Variants in JAZF1 observed in about 807,000 individuals in gnomAD.
The protein encoded by JAZF1 is juxtaposed with another zinc finger protein 1.
In JAZF1, 8 loss-of-function variants were observed where a neutral mutation model predicts 26.4. The ratio of observed to expected loss-of-function variants is 0.30; its 90% CI spans 0.18 to 0.55. The LOEUF (loss-of-function observed/expected upper bound fraction) is 0.55. JAZF1 is among the 20% of genes least tolerant of loss of function. The pLI, the probability that JAZF1 is intolerant of heterozygous loss-of-function variation, is 0.94. For missense variants in JAZF1, 199 were observed against 322.0 expected (o/e 0.62, Z 2.92); for synonymous variants, 126 against 122.3 (o/e 1.03, Z -0.20).
At chr7:28,135,653 A>C (rs1363976352) in intron 1 of JAZF1, among the ~76,000 whole-genome samples, 1 of 152,238 alleles carries the variant, frequency 6.6e-6, no homozygotes, top group African/African-American at 2.4e-5. Flanking sequence ...AGGGCAAAAG[A>C]AAGCTTCAAA....
intron 3 of JAZF1, among the ~76,000 whole-genome samples, chr7:27,856,723 C>T (rs946560082): frequency 6.6e-6 from 1 of 151,902 alleles, no homozygotes; most frequent in African/African-American, 2.4e-5. Context: ...CTGATTGGTG[C>T]ATTTACAAAC....
chr7:27,840,650 T>C lies in JAZF1; in HGVS notation c.555+48A>G. On this transcript the variant is annotated intron_variant, in intron 4 of 4. Transcript: ENST00000283928. The surrounding 1 kb of genome is among the most constrained non-coding windows in gnomAD (Gnocchi z 5.1). ...AAAGGGCTGCTGCCTTCCATGAAGC[T>C]TGCCCTGTTTCCATGTGGTTATGCC... 6.3e-7 allele frequency: 1 copy of C among 1,589,668 alleles called. No individual in the cohort carries two copies. Among genetic ancestry groups the C allele is most frequent in the South Asian group, 1.1e-5 (1 of 89,262 alleles).
chr7:27,891,713 CAGCTACACAGGAGGCTGACGTG>C (rs938788868), intron 3 of JAZF1, among the ~76,000 whole-genome samples: 2 of 152,064 alleles, frequency 1.3e-5, no homozygotes, highest in East Asian at 1.9e-4. Flanking sequence ...CCTGTAGTCC[CAGCTACACAGGAGGCTGACGTG>C]AGCTACACAG....
intron 2 of JAZF1, among the ~76,000 whole-genome samples, chr7:27,904,072 G>A (rs1490516542): frequency 2.6e-5 from 4 of 152,300 alleles, no homozygotes; most frequent in Non-Finnish European, 4.4e-5. Flanking sequence ...GTCTAACATG[G>A]AGAGTAAGGA....
chr7:28,153,359 T>C (rs553435200), intron 1 of JAZF1, among the ~76,000 whole-genome samples: 5 of 152,354 alleles, frequency 3.3e-5, no homozygotes, highest in Non-Finnish European at 5.9e-5. Flanking sequence ...ATAAATTTAT[T>C]TTCCTAAAGT....
chr7:28,103,024 C>G (rs768116239), intron 1 of JAZF1, among the ~76,000 whole-genome samples: 2 of 152,136 alleles, frequency 1.3e-5, no homozygotes, highest in Non-Finnish European at 2.9e-5. Flanking sequence ...CCTCAGCTTA[C>G]GACCGATTGA....
At chr7:27,888,412 T>C (rs1389751640) in intron 3 of JAZF1, among the ~76,000 whole-genome samples, 2 of 152,234 alleles carry the variant, frequency 1.3e-5, no homozygotes, top group African/African-American at 2.4e-5. Flanking sequence ...TTTTTCTGTC[T>C]GGGATTTTTT....
chr7:28,052,787 C>T (rs1009712216), intron 1 of JAZF1, among the ~76,000 whole-genome samples: 3 of 150,836 alleles, frequency 2.0e-5, no homozygotes, highest in African/African-American at 7.3e-5. Context: ...ATCATTTTCA[C>T]CCAAAGAAAC....
intron 3 of JAZF1, chr7:27,843,522 A>G (rs530416534): frequency 6.6e-6 from 1 of 152,364 alleles, no homozygotes; most frequent in Admixed American, 6.5e-5. Flanking sequence ...TCCATATAAA[A>G]TAAGATGATC....
At chr7:28,008,465 T>G (rs968002287) in intron 1 of JAZF1, among the ~76,000 whole-genome samples, 2 of 152,174 alleles carry the variant, frequency 1.3e-5, no homozygotes, top group Admixed American at 6.5e-5. Flanking sequence ...TACATTTTAA[T>G]TGAGCAATTC....
intron 3 of JAZF1, among the ~76,000 whole-genome samples, chr7:27,851,258 T>G (rs1272560444): frequency 1.3e-5 from 2 of 152,256 alleles, no homozygotes; most frequent in Non-Finnish European, 2.9e-5. Flanking sequence ...TAAAATGTTC[T>G]AATACATTTA....
chr7:28,004,311 C>T (rs1298027887), intron 1 of JAZF1, among the ~76,000 whole-genome samples: 3 of 152,008 alleles, frequency 2.0e-5, no homozygotes, highest in Non-Finnish European at 2.9e-5. Context: ...GAGTTTGTCT[C>T]CTGTGGTTTC....
chr7:28,009,796 C>A (rs1301906242), intron 1 of JAZF1, among the ~76,000 whole-genome samples: 3 of 152,128 alleles, frequency 2.0e-5, no homozygotes, highest in Non-Finnish European at 2.9e-5. Flanking sequence ...GTCACCATTG[C>A]GTTTTTTAAA....
At chr7:28,068,515 TG>T (rs1783921891) in intron 1 of JAZF1, among the ~76,000 whole-genome samples, 1 of 152,156 alleles carries the variant, frequency 6.6e-6, no homozygotes, top group African/African-American at 2.4e-5. Context: ...ATGATCCCAG[TG>T]CCCAATTGCT....
At chr7:28,095,936 T>C (rs1230914178) in intron 1 of JAZF1, among the ~76,000 whole-genome samples, 2 of 152,202 alleles carry the variant, frequency 1.3e-5, no homozygotes, top group African/African-American at 4.8e-5. Flanking sequence ...AGAGCTCTGG[T>C]GCTCCTCCTC....
chr7:27,899,784 C>A (rs1784137718), intron 2 of JAZF1, among the ~76,000 whole-genome samples: 1 of 152,078 alleles, frequency 6.6e-6, no homozygotes, highest in Admixed American at 6.6e-5. Context: ...GGTCCAGCCC[C>A]CTCATTTGTT....
chr7:27,878,934 G>C (rs551136958), intron 3 of JAZF1, among the ~76,000 whole-genome samples: 1 of 152,232 alleles, frequency 6.6e-6, no homozygotes, highest in Non-Finnish European at 1.5e-5. Flanking sequence ...TATTTTTGTT[G>C]ATCTGTTTTC....
intron 2 of JAZF1, among the ~76,000 whole-genome samples, chr7:27,989,122 A>G (rs887860896): frequency 1.3e-5 from 2 of 152,238 alleles, no homozygotes; most frequent in South Asian, 4.1e-4. Context: ...CAGAGCCCTC[A>G]GAAATAATAC....
At chr7:27,971,870 T>C in intron 2 of JAZF1, among the ~76,000 whole-genome samples, 1 of 152,104 alleles carries the variant, frequency 6.6e-6, no homozygotes, top group East Asian at 1.9e-4. Context: ...CAATCAGGTG[T>C]GAAAAGATAG....
Sources: gnomAD v4.1 joint callset for allele counts (sites outside exome capture counted in the v4.1 genomes callset) on GRCh38, gnomAD v4.1.1 for gene constraint, Gnocchi (gnomAD v3.1) non-coding constraint, MANE v1.5 for transcripts, NCBI Gene and HGNC (gene_info 2026-07-23, HGNC 2026-07-21) for gene names.